The following RANBP2 variants were observed in gnomAD, a reference collection of about 807,000 sequenced individuals.
RANBP2 encodes the protein E3 SUMO-protein ligase RanBP2.
Under a neutral mutation model 303.6 loss-of-function variants are expected in RANBP2, and 57 were observed. The ratio of observed to expected loss-of-function variants is 0.19; its 90% confidence interval spans 0.15 to 0.23. The LOEUF is 0.23. Ranked by LOEUF, RANBP2 falls within the 10% of genes least tolerant of loss-of-function variation. The pLI, the probability that RANBP2 is intolerant of heterozygous loss-of-function variation, is 1.00. For missense variants in RANBP2, 3,138 were observed against 3,780.8 expected (o/e 0.83, Z 4.46); for synonymous variants, 1,167 against 1,301.5 (o/e 0.90, Z 2.23).
the RANBP2 span, chr2:108,794,529 T>G: frequency 1.3e-6 from 2 of 1,589,502 alleles, no homozygotes; most frequent in Non-Finnish European, 1.7e-6. Context: ...CAAATGTTAT[T>G]TTCTTTGCAG....
At chr2:109,385,919 T>C in the RANBP2 span, among the ~76,000 whole-genome samples, 286 of 152,324 alleles carry the variant, frequency 1.9e-3, 1 homozygote, top group Non-Finnish European at 3.4e-3. Flanking sequence ...ATATTTCTTA[T>C]TGGTAAATTT....
chr2:109,534,194 C>T, the RANBP2 span, among the ~76,000 whole-genome samples: 1 of 152,278 alleles, frequency 6.6e-6, no homozygotes, highest in South Asian at 2.1e-4. Flanking sequence ...TGATAAACAC[C>T]TACACTGTTT....
the RANBP2 span, among the ~76,000 whole-genome samples, chr2:109,653,543 A>G: frequency 6.6e-6 from 1 of 152,016 alleles, no homozygotes; most frequent in Non-Finnish European, 1.5e-5. Flanking sequence ...AGCCCATTTT[A>G]TAGGAATCTC....
At chr2:109,220,282 G>A in the RANBP2 span, among the ~76,000 whole-genome samples, 1 of 152,026 alleles carries the variant, frequency 6.6e-6, no homozygotes, top group Non-Finnish European at 1.5e-5. Context: ...ACTCAAAATG[G>A]GTTAAAGATC....
the RANBP2 span, among the ~76,000 whole-genome samples, chr2:109,586,749 A>G: frequency 6.6e-6 from 1 of 152,158 alleles, no homozygotes; most frequent in Non-Finnish European, 1.5e-5. Context: ...GTCTCCTGTA[A>G]ACACCCTAGG....
chr2:109,418,935 G>GC, the RANBP2 span, among the ~76,000 whole-genome samples: 19 of 152,000 alleles, frequency 1.3e-4, no homozygotes, highest in Non-Finnish European at 2.1e-4. Flanking sequence ...TCCTCCCTCG[G>GC]CCCCCCCACT....
chr2:109,423,194 T>TG, the RANBP2 span, among the ~76,000 whole-genome samples: 47 of 151,834 alleles, frequency 3.1e-4, no homozygotes, highest in South Asian at 3.6e-3. Context: ...CTTAGGGAGA[T>TG]GGGGGGTTGG....
At chr2:108,904,217 CAT>C in the RANBP2 span, among the ~76,000 whole-genome samples, 3 of 151,974 alleles carry the variant, frequency 2.0e-5, no homozygotes, top group Non-Finnish European at 2.9e-5. Context: ...CACAAGAAAA[CAT>C]ATTTAAACAA....
At chr2:109,642,012 A>G in the RANBP2 span, among the ~76,000 whole-genome samples, 1 of 151,936 alleles carries the variant, frequency 6.6e-6, no homozygotes, top group African/African-American at 2.4e-5. Flanking sequence ...CATCATGTTG[A>G]CCAGGCTGGT....
At chr2:108,887,505 G>T in the RANBP2 span, among the ~76,000 whole-genome samples, 2 of 152,136 alleles carry the variant, frequency 1.3e-5, no homozygotes, top group Non-Finnish European at 2.9e-5. Context: ...TTATCCATGA[G>T]CATGGGACCT....
the RANBP2 span, among the ~76,000 whole-genome samples, chr2:109,244,928 C>T: frequency 6.6e-6 from 1 of 152,204 alleles, no homozygotes; most frequent in African/African-American, 2.4e-5. Context: ...TTGGCTGGCC[C>T]TGAGCTTGCC....
At chr2:109,659,759 G>A in the RANBP2 span, among the ~76,000 whole-genome samples, 1 of 152,240 alleles carries the variant, frequency 6.6e-6, no homozygotes. Flanking sequence ...CTGAATGAGA[G>A]TGCTGTCTCT....
chr2:108,791,663 A>AT, the RANBP2 span: 12 of 1,601,238 alleles, frequency 7.5e-6, no homozygotes, highest in Non-Finnish European at 1.0e-5. Context: ...TGATACAATT[A>AT]TTTTTTTAAA....
the RANBP2 span, among the ~76,000 whole-genome samples, chr2:109,735,067 A>C: frequency 6.6e-6 from 1 of 152,182 alleles, no homozygotes. Flanking sequence ...ATTGTTAACT[A>C]TAGTCACACT....
At chr2:109,317,330 TGTGGGCAG>T in the RANBP2 span, among the ~76,000 whole-genome samples, 1 of 152,120 alleles carries the variant, frequency 6.6e-6, no homozygotes, top group Non-Finnish European at 1.5e-5. Flanking sequence ...AGGGGGCGTC[TGTGGGCAG>T]GTGGGCAGGT....
the RANBP2 span, among the ~76,000 whole-genome samples, chr2:109,055,527 ATTTTCTTTTC>A: frequency 1.5e-3 from 224 of 151,220 alleles, no homozygotes; most frequent in African/African-American, 2.7e-3. Flanking sequence ...TGTCCGGCTA[ATTTTCTTTTC>A]TTTTCTTTTC....
chr2:109,610,472 C>T, the RANBP2 span, among the ~76,000 whole-genome samples: 9 of 152,228 alleles, frequency 5.9e-5, 1 homozygote, highest in East Asian at 1.9e-4. Flanking sequence ...CCCAACACTT[C>T]GGGAGACTGA....
At chr2:109,260,840 A>G in the RANBP2 span, among the ~76,000 whole-genome samples, 3 of 152,180 alleles carry the variant, frequency 2.0e-5, no homozygotes, top group Non-Finnish European at 2.9e-5. Context: ...TTCCTCCCCT[A>G]CAGAGAGTAA....
At chr2:109,500,335 TGCCACAGCCCAGAGA>T in the RANBP2 span, among the ~76,000 whole-genome samples, 1 of 152,132 alleles carries the variant, frequency 6.6e-6, no homozygotes, top group Non-Finnish European at 1.5e-5. Context: ...CAGGAGCACC[TGCCACAGCCCAGAGA>T]GCCCCTGGGG....
Sources: gnomAD v4.1 joint callset for allele counts (sites outside exome capture counted in the v4.1 genomes callset) on GRCh38, gnomAD v4.1.1 for gene constraint, MANE v1.5 for transcripts, NCBI Gene and HGNC (gene_info 2026-07-23, HGNC 2026-07-21) for gene names.